Variants in FLT1 observed in about 807,000 individuals in gnomAD.
FLT1 encodes fms related receptor tyrosine kinase 1, also known as vascular endothelial growth factor receptor 1.
Under a neutral mutation model 156.3 loss-of-function variants are expected in FLT1, and 49 were observed. The observed-to-expected ratio is 0.31, with a 90% confidence interval of 0.25 to 0.40. The LOEUF is 0.40. Among genes scored for constraint, FLT1 ranks in the 10% least tolerant of loss-of-function variants. FLT1 has a pLI of 1.00. For missense variants in FLT1, 1,322 were observed against 1,637.2 expected, an observed-to-expected ratio of 0.81 and a Z score of 3.32; for synonymous variants, 594 against 583.8, an observed-to-expected ratio of 1.02 and a Z score of -0.25.
At chr13:28,336,682 G>A (rs1248438083) in intron 17 of FLT1, among the ~76,000 whole-genome samples, 2 of 151,778 alleles carry the variant, frequency 1.3e-5, no homozygotes, top group African/African-American at 2.4e-5. Context: ...TGCTGTATTA[G>A]GTAATTCTGA....
chr13:28,311,873 A>G (rs147277608), intron 26 of FLT1, 120 bp downstream of exon 26: 1 of 1,077,456 alleles, frequency 9.3e-7, no homozygotes, highest in Non-Finnish European at 1.4e-6. Flanking sequence ...ACACACACAC[A>G]CCCTTTTTTT....
At chr13:28,355,527 G>A (rs756245278) in intron 15 of FLT1, among the ~76,000 whole-genome samples, 1 of 152,218 alleles carries the variant, frequency 6.6e-6, no homozygotes, top group Non-Finnish European at 1.5e-5. Flanking sequence ...CAGAAGCGGG[G>A]ATTGAGAGAG....
At chr13:28,460,424 T>A (rs1446041837) in intron 3 of FLT1, among the ~76,000 whole-genome samples, 1 of 92,542 alleles carries the variant, frequency 1.1e-5, no homozygotes, top group Non-Finnish European at 3.1e-5. Context: ...CTCTCACAGA[T>A]CAAACAACAG....
At chr13:28,321,626 CT>C (rs1161434752) in intron 22 of FLT1, 41 bp from the exon 23 acceptor site, 1 of 1,606,428 alleles carries the variant, frequency 6.2e-7, no homozygotes, top group Non-Finnish European at 8.5e-7. Context: ...TTTCCTTAAC[CT>C]AACCAACTAA....
At chr13:28,412,389 TTTC>T (rs1876334860) in intron 10 of FLT1, among the ~76,000 whole-genome samples, 3 of 139,120 alleles carry the variant, frequency 2.2e-5, no homozygotes, top group African/African-American at 8.0e-5. Context: ...TCTTTCTTTC[TTTC>T]TTTCTTTCTT....
chr13:28,398,747 T>C (rs1875226314), intron 11 of FLT1, among the ~76,000 whole-genome samples: 1 of 152,232 alleles, frequency 6.6e-6, no homozygotes, highest in Non-Finnish European at 1.5e-5. Flanking sequence ...TGAGTGATTA[T>C]CAAGGCATTG....
chr13:28,412,350 C>CTTTCCT, intron 10 of FLT1, among the ~76,000 whole-genome samples: 1 of 93,810 alleles, frequency 1.1e-5, no homozygotes, highest in African/African-American at 3.8e-5. Context: ...TTCTTTCTTT[C>CTTTCCT]TCTTTCTTTC....
At chr13:28,409,886 A>G (rs1233944344) in intron 10 of FLT1, among the ~76,000 whole-genome samples, 2 of 150,974 alleles carry the variant, frequency 1.3e-5, no homozygotes, top group Admixed American at 6.6e-5. Flanking sequence ...CTACTTTTGC[A>G]TAACATGGTC....
Position 28,312,174 on chromosome 13 carries a change from GA to G in FLT1, c.3387-77del, listed in dbSNP as rs574512737. 602 of 909,814 alleles carry G rather than the reference GA, an allele frequency of 6.6e-4. 4 individuals carry two copies. In the South Asian group the frequency reaches 7.4e-3, roughly 11 times the overall value. 56.4% of individuals were successfully genotyped at this position (909,814 alleles called of 1,614,324 possible). A position where few individuals can be genotyped will look rare whatever the true frequency, so the allele number is the denominator to read the frequency against. ...TGCATTGCCTTACGTACTACAAAGG[GA>G]GGGCTGTCATCATCCGCATAAAGCC... is the stretch of plus-strand genomic sequence containing the variant. On this transcript the variant is annotated intron_variant, in intron 25 of 29. Transcript: ENST00000282397.
chr13:28,355,203 T>G (rs1593704073), intron 15 of FLT1, among the ~76,000 whole-genome samples: 2 of 152,198 alleles, frequency 1.3e-5, no homozygotes, highest in South Asian at 4.1e-4. Flanking sequence ...CCTCACCACA[T>G]AGTCATTGTG....
rs576196098 is a variant in FLT1 at position 28,374,405 on chromosome 13, A to G, written c.2116+10480T>C. 3.0e-3 allele frequency among the ~76,000 whole-genome samples: 450 copies of G among 152,220 alleles called. 2 individuals carry two copies. The highest frequency in any genetic ancestry group is 5.0e-3 in the Non-Finnish European group (343 of 68,000). On this transcript the variant is annotated intron_variant, in intron 14 of 29. Coordinates refer to ENST00000282397, the MANE Select transcript of FLT1 (RefSeq NM_002019.4). ...ACTCCAGCCTGGGAAACAGAGCAAG[A>G]CCATGTCTCAAAAAACAAACAAAAA...
At chr13:28,413,193 C>T (rs1216680262) in intron 10 of FLT1, among the ~76,000 whole-genome samples, 1 of 152,088 alleles carries the variant, frequency 6.6e-6, no homozygotes, top group Non-Finnish European at 1.5e-5. Flanking sequence ...TCCTGGGCCA[C>T]CTCTGTTTAG....
At chr13:28,468,888 G>A (rs1234894321) in intron 1 of FLT1, among the ~76,000 whole-genome samples, 1 of 152,224 alleles carries the variant, frequency 6.6e-6, no homozygotes, top group Non-Finnish European at 1.5e-5. Context: ...TTACAGCAAT[G>A]TAAGAACAGC....
chr13:28,311,764 C>T (rs941841930), intron 26 of FLT1, 32 bp from the exon 27 acceptor site: 11 of 1,611,390 alleles, frequency 6.8e-6, no homozygotes, highest in Non-Finnish European at 9.3e-6. Flanking sequence ...TCTCGTTGCA[C>T]CAATTCTGAC....
chr13:28,331,153 C>T (rs1871915188), intron 18 of FLT1, among the ~76,000 whole-genome samples: 1 of 152,182 alleles, frequency 6.6e-6, no homozygotes, highest in Non-Finnish European at 1.5e-5. Context: ...TTCTGTAGGA[C>T]AGTGTCCTGG....
chr13:28,422,765 G>C (rs1185236578), intron 10 of FLT1, among the ~76,000 whole-genome samples: 2 of 152,086 alleles, frequency 1.3e-5, no homozygotes, highest in African/African-American at 2.4e-5. Context: ...TGGTATTCAA[G>C]CACACGTAAA....
At chr13:28,349,451 CACACACACAT>C (rs1333067563) in intron 15 of FLT1, among the ~76,000 whole-genome samples, 64 of 150,334 alleles carry the variant, frequency 4.3e-4, no homozygotes, top group South Asian at 8.5e-4. Context: ...CACACACACA[CACACACACAT>C]GCGCACACGC....
chr13:28,339,171 G>A lies in FLT1; in HGVS notation c.2485C>T (p.Leu829=). ...ATCTGTTGAACAAATATCTTACCCA[G>A]TTTAAGTCTCTCCCGGGCAAACTCC... is the stretch of plus-strand genomic sequence containing the variant. ...KWEFARERLK[L]GKSLGRGAFG... Residue 829 remains leucine (L), a synonymous_variant, in exon 17 of 30, where the codon CTG becomes TTG. Coordinates refer to ENST00000282397, the MANE Select transcript of FLT1 (RefSeq NM_002019.4). The A allele has an allele frequency of 1.2e-6, 2 of 1,613,976 alleles. No homozygotes were observed. Among genetic ancestry groups the A allele is most frequent in the Non-Finnish European group, 1.7e-6 (2 of 1,179,918 alleles).
Position 28,352,160 on chromosome 13 carries a change from A to G in FLT1, c.2248+5394T>C, listed in dbSNP as rs138319171. On this transcript the variant is annotated intron_variant, in intron 15 of 29. Transcript: ENST00000282397. ...AAAACCTATAGAGCAACAGAGCAGG[A>G]TGGTTGAACATGGCTACAATTCTCA... Among the ~76,000 whole-genome samples, 204 of 152,318 alleles carry G rather than the reference A, an allele frequency of 1.3e-3. 2 individuals carry two copies. In the East Asian group the frequency reaches 0.024, roughly 18 times the overall value.
Sources: allele counts gnomAD v4.1 joint callset (sites outside exome capture counted in the v4.1 genomes callset), GRCh38; gene constraint gnomAD v4.1.1; transcripts MANE v1.5; gene names NCBI Gene and HGNC (gene_info 2026-07-23, HGNC 2026-07-21).